The following ASTN2 variants were observed in gnomAD, a reference collection of about 807,000 sequenced individuals.
ASTN2 encodes astrotactin 2.
A neutral mutation model predicts 139.8 loss-of-function variants in ASTN2; 54 were observed. That is an observed-to-expected ratio of 0.39 (90% confidence interval 0.31 to 0.48). ASTN2 has a LOEUF of 0.48. ASTN2 is among the 20% of genes least tolerant of loss of function. The pLI is 0.95. For missense variants in ASTN2, 1,565 were observed against 1,725.1 expected (o/e 0.91, Z 1.64); for synonymous variants, 756 against 719.5 (o/e 1.05, Z -0.81).
At chr9:116,486,275 T>C (rs1009347431) in intron 20 of ASTN2, among the ~76,000 whole-genome samples, 1 of 152,214 alleles carries the variant, frequency 6.6e-6, no homozygotes. Context: ...ACACAAGAAA[T>C]ACTCAGCAAA....
rs147477576 is a variant in ASTN2 at position 117,022,326 on chromosome 9, C to T, written c.1424-14067G>A. ...GGAAATTAGTAAGTGCTACTAATAGCTGGATCCAATTCACAACCTCTATGA... is the reference window on the plus strand; with the variant it reads ...GGAAATTAGTAAGTGCTACTAATAGTTGGATCCAATTCACAACCTCTATGA... On this transcript the variant is annotated intron_variant, in intron 6 of 22. Coordinates refer to ENST00000313400, the MANE Select transcript of ASTN2 (RefSeq NM_001365068.1). Among the ~76,000 whole-genome samples, 4 of 152,160 alleles carry T rather than the reference C, an allele frequency of 2.6e-5. No homozygotes were observed. The East Asian group carries it at 7.7e-4, about 29-fold the overall frequency.
intron 7 of ASTN2, among the ~76,000 whole-genome samples, chr9:116,990,561 A>G (rs1836824452): frequency 6.6e-6 from 1 of 152,098 alleles, no homozygotes; most frequent in Non-Finnish European, 1.5e-5. Flanking sequence ...ATAAGCCACC[A>G]CACCCAGCCT....
At chr9:116,642,326 CTATAT>C (rs1487346878) in intron 17 of ASTN2, among the ~76,000 whole-genome samples, 1 of 151,852 alleles carries the variant, frequency 6.6e-6, no homozygotes, top group African/African-American at 2.4e-5. Flanking sequence ...TTTTAATATA[CTATAT>C]TATTTACTGT....
intron 2 of ASTN2, among the ~76,000 whole-genome samples, chr9:117,249,857 A>G (rs1407883611): frequency 2.6e-5 from 4 of 151,890 alleles, no homozygotes; most frequent in Non-Finnish European, 5.9e-5. Flanking sequence ...CTTTGTCCCA[A>G]TCTGTTGAGA....
Position 117,414,681 on chromosome 9 carries a change from G to A in ASTN2, c.258C>T (p.Ala86=). ...CGGTCCCAGCCCCGGCCCCGGCGCG[G>A]GCGCCGCTCCAGCCGATGTCGCTCT... is the stretch of plus-strand genomic sequence containing the variant. ...LRESDIGWSG[A]RAGAGAGTGA... is the part of the protein sequence containing the mutation. Residue 86 remains alanine (A), a synonymous_variant, in exon 1 of 23, where the codon GCC becomes GCT. Coordinates refer to ENST00000313400, the MANE Select transcript of ASTN2 (RefSeq NM_001365068.1). The surrounding 1 kb of genome is among the most constrained non-coding windows in gnomAD (Gnocchi z 4.2). 1 of 1,250,792 alleles carries A rather than the reference G, an allele frequency of 8.0e-7. No individual in the cohort carries two copies. Among genetic ancestry groups the A allele is most frequent in the Non-Finnish European group, 1.0e-6 (1 of 1,001,108 alleles). 77.5% of individuals were successfully genotyped at this position (1,250,792 alleles called of 1,614,324 possible). A position where few individuals can be genotyped will look rare whatever the true frequency, so the allele number is the denominator to read the frequency against.
chr9:116,751,180 T>C (rs1192107796), intron 13 of ASTN2, among the ~76,000 whole-genome samples: 1 of 152,204 alleles, frequency 6.6e-6, no homozygotes, highest in African/African-American at 2.4e-5. Context: ...ACCGTAATAG[T>C]ACCTACTTTT....
At chr9:116,753,770 T>C (rs909054536) in intron 13 of ASTN2, among the ~76,000 whole-genome samples, 2 of 145,616 alleles carry the variant, frequency 1.4e-5, no homozygotes, top group Admixed American at 1.3e-4. Flanking sequence ...TATACATCTC[T>C]AGGCAATCTG....
intron 16 of ASTN2, among the ~76,000 whole-genome samples, chr9:116,679,912 G>A (rs931595174): frequency 1.3e-5 from 2 of 152,152 alleles, no homozygotes; most frequent in African/African-American, 4.8e-5. Context: ...ATGCCCATAA[G>A]AGAAAGCAGG....
rs140674179 is a variant in ASTN2, at chr9:117,063,856, G to C, written c.1277-23891C>G. 1.1e-3 allele frequency among the ~76,000 whole-genome samples: 171 copies of C among 152,178 alleles called. 1 individual carries two copies. The highest frequency in any genetic ancestry group is 3.9e-3 in the African/African-American group (162 of 41,542). On this transcript the variant is annotated intron_variant, in intron 5 of 22. Transcript: ENST00000313400. Reference sequence around the variant, plus strand: ...TGTAGCAAAACCTTACTGGGGTGTTGTGAGCCACAGGACCACAAGTGCTAG... The same window carrying C: ...TGTAGCAAAACCTTACTGGGGTGTTCTGAGCCACAGGACCACAAGTGCTAG...
At chr9:117,181,887 C>A (rs1229429885) in intron 3 of ASTN2, among the ~76,000 whole-genome samples, 1 of 152,184 alleles carries the variant, frequency 6.6e-6, no homozygotes, top group Non-Finnish European at 1.5e-5. Context: ...CAAGAGGCGT[C>A]CTCTCAGCAA....
intron 17 of ASTN2, among the ~76,000 whole-genome samples, chr9:116,632,211 A>AAGAAAGAAAGAAAGAG (rs1856819070): frequency 8.4e-6 from 1 of 119,408 alleles, no homozygotes; most frequent in Admixed American, 8.7e-5. Flanking sequence ...AAAGAAAAGA[A>AAGAAAGAAAGAAAGAG]AGAAAGAAAG....
chr9:117,209,699 A>C (rs1832056790), intron 3 of ASTN2, among the ~76,000 whole-genome samples: 1 of 152,134 alleles, frequency 6.6e-6, no homozygotes. Context: ...CTATAGACCA[A>C]ATGGATGTGA....
intron 11 of ASTN2, among the ~76,000 whole-genome samples, chr9:116,842,867 C>G (rs1162583643): frequency 6.6e-6 from 1 of 152,138 alleles, no homozygotes; most frequent in East Asian, 1.9e-4. Flanking sequence ...AGCCTGCCCC[C>G]ATCCCCCAGG....
At chr9:116,717,814 T>A (rs1346003797) in intron 16 of ASTN2, among the ~76,000 whole-genome samples, 1 of 152,248 alleles carries the variant, frequency 6.6e-6, no homozygotes, top group African/African-American at 2.4e-5. Flanking sequence ...CCTTTGAGAC[T>A]GCAAGAAAGC....
At chr9:116,632,197 A>AGG (rs1491547327) in intron 17 of ASTN2, among the ~76,000 whole-genome samples, 454 of 28,428 alleles carry the variant, frequency 0.016, 2 homozygotes, top group East Asian at 0.026. Flanking sequence ...AGAGAGAGAG[A>AGG]AAGAAAGAAA....
At chr9:116,678,311 T>C (rs181013448) in intron 16 of ASTN2, among the ~76,000 whole-genome samples, 229 of 152,304 alleles carry the variant, frequency 1.5e-3, no homozygotes, top group Non-Finnish European at 2.6e-3. Flanking sequence ...AGTCAGACCT[T>C]ATCGTCACTT....
chr9:117,240,625 GAC>G (rs1833176761), intron 2 of ASTN2, among the ~76,000 whole-genome samples: 3 of 152,318 alleles, frequency 2.0e-5, no homozygotes, highest in South Asian at 2.1e-4. Flanking sequence ...ATTCAGAACA[GAC>G]ACTGGAGCTA....
intron 19 of ASTN2, among the ~76,000 whole-genome samples, chr9:116,513,464 T>C (rs1360926918): frequency 6.6e-6 from 1 of 152,100 alleles, no homozygotes; most frequent in Non-Finnish European, 1.5e-5. Flanking sequence ...TTGGTGAATC[T>C]GATAATTATG....
At chr9:116,447,105 T>C (rs956322908) in intron 20 of ASTN2, among the ~76,000 whole-genome samples, 1 of 152,172 alleles carries the variant, frequency 6.6e-6, no homozygotes, top group African/African-American at 2.4e-5. Context: ...CAGCTGCTGA[T>C]GGTTCCAGAA....
Sources: gnomAD v4.1 joint callset for allele counts (sites outside exome capture counted in the v4.1 genomes callset) on GRCh38, gnomAD v4.1.1 for gene constraint, Gnocchi (gnomAD v3.1) non-coding constraint, MANE v1.5 for transcripts, NCBI Gene and HGNC (gene_info 2026-07-23, HGNC 2026-07-21) for gene names.